The following MELTF variants were observed in gnomAD, a reference collection of about 807,000 sequenced individuals.
The protein encoded by MELTF is antigen p97 (melanoma associated) identified by monoclonal antibodies 133.2 and 96.5.
A neutral mutation model predicts 83.7 loss-of-function variants in MELTF; 67 were observed. The ratio of observed to expected loss-of-function variants is 0.80; its 90% CI spans 0.66 to 0.98. MELTF has a LOEUF of 0.98. MELTF is among the 50% of genes least tolerant of loss of function. MELTF has a pLI of 0.00. For missense variants in MELTF, 1,002 were observed against 1,035.6 expected, an observed-to-expected ratio of 0.97 and a Z score of 0.44; for synonymous variants, 462 against 447.6, an observed-to-expected ratio of 1.03 and a Z score of -0.41.
Position 197,008,644 on chromosome 3 carries a change from T to A in MELTF, c.1750+13A>T. On this transcript the variant is annotated intron_variant, in intron 13 of 15. Transcript: ENST00000296350. This position sits in a 1 kb window ranked among gnomAD's most constrained non-coding sequence, Gnocchi z 5.4. ...CCCGACCTACCTTTGGCCCTGCTCT[T>A]GCCCCCACCTACCGTTTGTGTTGTC... 2 of 1,612,966 alleles carry A rather than the reference T, an allele frequency of 1.2e-6. No homozygotes were observed. The highest frequency in any genetic ancestry group is 8.5e-7 in the Non-Finnish European group (1 of 1,179,354).
intron 9 of MELTF, among the ~76,000 whole-genome samples, chr3:197,013,308 T>C (rs1719249950): frequency 6.6e-6 from 1 of 152,186 alleles, no homozygotes; most frequent in South Asian, 2.1e-4. Context: ...GGGAAGAAGC[T>C]GAATGTCCAA....
At chr3:197,010,563 G>A in intron 10 of MELTF, 135 bp downstream of exon 10, 1 of 712,246 alleles carries the variant, frequency 1.4e-6, no homozygotes, top group Non-Finnish European at 2.4e-6. Context: ...GGAGGGGCAG[G>A]CCTGGTGACA....
At position 197,023,118 on chromosome 3, in the gene MELTF, G is replaced by C; in HGVS notation, c.488-5C>G. On this transcript the variant is annotated splice_region_variant and splice_polypyrimidine_tract_variant and intron_variant, in intron 4 of 15. Coordinates refer to ENST00000296350, the MANE Select transcript of MELTF (RefSeq NM_005929.6). The stretch of plus-strand genomic sequence containing the variant: ...CCCCAAAATAGTCGCTGACAGCTGT[G>C]GGAAGGAGGTAGAGAGGTCACTCAG... 1 of 1,613,086 alleles carries C rather than the reference G, an allele frequency of 6.2e-7. No individual in the cohort carries two copies. The highest frequency in any genetic ancestry group is 8.5e-7 in the Non-Finnish European group (1 of 1,179,592).
At chr3:197,013,415 A>G (rs558991700) in intron 9 of MELTF, among the ~76,000 whole-genome samples, 1 of 152,342 alleles carries the variant, frequency 6.6e-6, no homozygotes, top group African/African-American at 2.4e-5. Context: ...AGACAATAAA[A>G]TTGCTGAAGA....
chr3:197,016,810 GGTTT>G (rs3836430), intron 7 of MELTF, among the ~76,000 whole-genome samples: 35,821 of 152,032 alleles, frequency 0.24, 4,300 homozygotes, highest in Middle Eastern at 0.31. Context: ...TTTGTTACTT[GGTTT>G]ATTTGCTCAT....
At chr3:197,023,769 T>G (rs1316194508) in intron 4 of MELTF, 3 of 451,898 alleles carry the variant, frequency 6.6e-6, no homozygotes, top group Non-Finnish European at 1.3e-5. Context: ...TTAATAAATA[T>G]GCCAAGTGCC....
At chr3:197,015,296 T>C (rs965164216) in intron 9 of MELTF, 69 bp downstream of exon 9, 24 of 1,462,068 alleles carry the variant, frequency 1.6e-5, no homozygotes, top group Non-Finnish European at 1.9e-5. Flanking sequence ...GGGGTGTGGG[T>C]AGTAAGAACT....
intron 6 of MELTF, among the ~76,000 whole-genome samples, chr3:197,020,825 C>T (rs1036989941): frequency 1.3e-5 from 2 of 152,086 alleles, no homozygotes; most frequent in Admixed American, 6.6e-5. Flanking sequence ...CCCACCACCA[C>T]GCTCGGCTAG....
chr3:197,026,678 C>A lies in MELTF; in HGVS notation c.286G>T (p.Gly96Cys). 6.2e-7 allele frequency: 1 copy of A among 1,613,392 alleles called. No homozygotes were observed. The highest frequency in any genetic ancestry group is 1.1e-5 in the South Asian group (1 of 91,090). Residue 96 changes from glycine to cysteine, a missense_variant, in exon 3 of 16, where the codon GGC becomes TGC. By Grantham distance (159) the Gly-to-Cys change is radical. Coordinates refer to ENST00000296350, the MANE Select transcript of MELTF (RefSeq NM_005929.6). ...GKEHGLKPVVGEVYDQEVGTS... is the reference protein window; with the variant it reads ...GKEHGLKPVVCEVYDQEVGTS... ...CTCTTACCTTGATCGTACACTTCGC[C>A]CACCACCGGCTTCAGGCCGTGCTCC... is the stretch of plus-strand genomic sequence containing the variant.
chr3:197,009,872 G>C (rs1366862451), intron 10 of MELTF, 60 bp from the exon 11 acceptor site: 10 of 1,483,130 alleles, frequency 6.7e-6, no homozygotes, highest in Middle Eastern at 2.2e-4. Flanking sequence ...CAAGTGCCTG[G>C]GGGGGTCCTT....
At position 197,006,464 on chromosome 3, in the gene MELTF, C is replaced by T. The variant is rs1718980281; in HGVS notation, c.1938+85G>A. The T allele has an allele frequency of 6.4e-6, 8 of 1,247,944 alleles. No individual in the cohort carries two copies. The South Asian group carries it at 1.2e-4, about 19-fold the overall frequency. The allele number at this position is 1,247,944 out of a possible 1,614,324, so 77.3% of individuals were successfully genotyped here. ...GGGCTTCCTCAATTTCTCTAGAGGT[C>T]TGCTCCAGGTAGACTGAGGCCTCCC... is the stretch of plus-strand genomic sequence containing the variant. On this transcript the variant is annotated intron_variant, in intron 14 of 15. Transcript: ENST00000296350. This position sits in a 1 kb window ranked among gnomAD's most constrained non-coding sequence, Gnocchi z 5.4.
rs536190886 is a variant in MELTF at position 197,010,135 on chromosome 3, G to A, written c.1331-323C>T. ...CACTACCCAGGAGGAAAGTGGAGGCGCAGCTGAGGCTGCAGAAGCATTTTC... is the reference window on the plus strand; with the variant it reads ...CACTACCCAGGAGGAAAGTGGAGGCACAGCTGAGGCTGCAGAAGCATTTTC... On this transcript the variant is annotated intron_variant, in intron 10 of 15. Transcript: ENST00000296350. 7.2e-5 allele frequency among the ~76,000 whole-genome samples: 11 copies of A among 152,348 alleles called. No homozygotes were observed. In the South Asian group the frequency reaches 1.2e-3, roughly 17 times the overall value.
Position 197,024,291 on chromosome 3 carries a change from C to G in MELTF, c.487+12G>C. 6.5e-7 allele frequency: 1 copy of G among 1,547,576 alleles called. No individual in the cohort carries two copies. The highest frequency in any genetic ancestry group is 8.7e-7 in the Non-Finnish European group (1 of 1,143,242). ...GGCCTGGGGACCCTCCTGCCCAGCC[C>G]AAAGCCCTCACCTTTGAGTACATCG... On this transcript the variant is annotated intron_variant, in intron 4 of 15. Transcript: ENST00000296350. The surrounding 1 kb of genome is among the most constrained non-coding windows in gnomAD (Gnocchi z 5.3).
At position 197,026,707 on chromosome 3, in the gene MELTF, C is replaced by A; in HGVS notation, c.257G>T (p.Gly86Val). Residue 86 changes from glycine to valine, a missense_variant, in exon 3 of 16, where the codon GGA becomes GTA. By Grantham distance (109) the Gly-to-Val change is moderately radical. Transcript: ENST00000296350. ...TLDGGAIYEAGKEHGLKPVVG... is the reference protein window; with the variant it reads ...TLDGGAIYEAVKEHGLKPVVG... ...CACCGGCTTCAGGCCGTGCTCCTTT[C>A]CCGCCTCATAGATGGCTCCTCCATC... 3 of 1,613,518 alleles carry A rather than the reference C, an allele frequency of 1.9e-6. No individual in the cohort carries two copies. Among genetic ancestry groups the A allele is most frequent in the Non-Finnish European group, 2.5e-6 (3 of 1,180,026 alleles).
chr3:197,017,417 G>T, intron 6 of MELTF, 127 bp from the exon 7 acceptor site: 1 of 870,238 alleles, frequency 1.1e-6, no homozygotes, highest in Non-Finnish European at 1.7e-6. Context: ...GCATTCAGAA[G>T]GTGGCAGAGC....
rs1719659035 is a variant in MELTF, at chr3:197,022,398, A to C, written c.644+559T>G. On this transcript the variant is annotated intron_variant, in intron 5 of 15. Coordinates refer to ENST00000296350, the MANE Select transcript of MELTF (RefSeq NM_005929.6). The surrounding 1 kb of genome is among the most constrained non-coding windows in gnomAD (Gnocchi z 5.1). ...GCCGAAAACCGCATCCAGTCAGATAACATCTGGAGTGTGGGGCACCAGCAG... is the reference window on the plus strand; with the variant it reads ...GCCGAAAACCGCATCCAGTCAGATACCATCTGGAGTGTGGGGCACCAGCAG... Among the ~76,000 whole-genome samples the C allele has an allele frequency of 6.6e-6, 1 of 152,198 alleles. No homozygotes were observed. Among genetic ancestry groups the C allele is most frequent in the African/African-American group, 2.4e-5 (1 of 41,444 alleles).
rs1718983443 is a variant in MELTF at position 197,006,546 on chromosome 3, C to G, written c.1938+3G>C. ...TCAATGAGGTAGCCCCACCCTGGCT[C>G]ACCTGGGCCTTGTCCAGCAGTCCAT... On this transcript the variant is annotated splice_donor_region_variant and intron_variant, in intron 14 of 15. Transcript: ENST00000296350. The surrounding 1 kb of genome is among the most constrained non-coding windows in gnomAD (Gnocchi z 5.4). The G allele has an allele frequency of 6.2e-7, 1 of 1,611,162 alleles. No homozygotes were observed. The highest frequency in any genetic ancestry group is 1.3e-5 in the African/African-American group (1 of 74,754).
Position 197,024,427 on chromosome 3 carries a change from A to G in MELTF, c.363T>C (p.Ile121=). 6.2e-7 allele frequency: 1 copy of G among 1,610,360 alleles called. No homozygotes were observed. The highest frequency in any genetic ancestry group is 8.5e-7 in the Non-Finnish European group (1 of 1,177,790). The part of the protein sequence containing the change: ...AVVRRSSHVT[I]DTLKGVKSCH... The stretch of plus-strand genomic sequence containing the variant: ...AGGACTTCACGCCTTTCAGGGTGTC[A>G]ATGGTCACATGGGAGCTCCTCCTGA... Residue 121 remains isoleucine, a synonymous_variant, in exon 4 of 16, where the codon ATT becomes ATC. Transcript: ENST00000296350. The surrounding 1 kb of genome is among the most constrained non-coding windows in gnomAD (Gnocchi z 5.3).
Position 197,003,269 on chromosome 3 carries a change from A to C in MELTF, c.*103T>G. On this transcript the variant is annotated 3_prime_UTR_variant, in exon 16 of 16. Transcript: ENST00000296350. The surrounding 1 kb of genome is among the most constrained non-coding windows in gnomAD (Gnocchi z 6.2). ...CCCGGGGAGGCGCCTGCTCCCGCCC[A>C]CGCCGGGCCCGGCCTTCGCGAGCTT... The C allele has an allele frequency of 2.4e-5, 24 of 988,736 alleles. No individual in the cohort carries two copies. The highest frequency in any genetic ancestry group is 1.0e-4 in the East Asian group (1 of 9,558). The allele number at this position is 988,736 out of a possible 1,614,324, so 61.2% of individuals were successfully genotyped here.
Sources: allele counts gnomAD v4.1 joint callset (sites outside exome capture counted in the v4.1 genomes callset), GRCh38; gene constraint gnomAD v4.1.1; non-coding constraint Gnocchi (gnomAD v3.1); transcripts MANE v1.5; gene names NCBI Gene and HGNC (gene_info 2026-07-23, HGNC 2026-07-21).